Variants in MAP4K5 observed in about 807,000 individuals in gnomAD.
MAP4K5 encodes mitogen-activated protein kinase kinase kinase kinase 5, also known as MAPK/ERK kinase kinase kinase 5.
A neutral mutation model predicts 135.6 loss-of-function variants in MAP4K5; 82 were observed. The ratio of observed to expected loss-of-function variants is 0.60; its 90% CI spans 0.51 to 0.73. MAP4K5 has a LOEUF of 0.73. MAP4K5 is among the 30% of genes least tolerant of loss of function. MAP4K5 has a pLI of 0.00. For missense variants in MAP4K5, 907 were observed against 1,010.9 expected (o/e 0.90, Z 1.39); for synonymous variants, 347 against 335.0 (o/e 1.04, Z -0.39).
chr14:50,501,479 A>G (rs1595519381), intron 3 of MAP4K5, among the ~76,000 whole-genome samples: 1 of 152,112 alleles, frequency 6.6e-6, no homozygotes, highest in African/African-American at 2.4e-5. Context: ...AAAATTAAAC[A>G]TCTCTCCAAA....
intron 2 of MAP4K5, among the ~76,000 whole-genome samples, chr14:50,511,984 A>G (rs2037939294): frequency 6.6e-6 from 1 of 152,188 alleles, no homozygotes; most frequent in African/African-American, 2.4e-5. Context: ...ATCTCATTAC[A>G]TATTTGTCAA....
At chr14:50,481,307 A>AAT (rs930546251) in intron 6 of MAP4K5, among the ~76,000 whole-genome samples, 13 of 149,736 alleles carry the variant, frequency 8.7e-5, no homozygotes, top group African/African-American at 3.2e-4. Context: ...TATATATATA[A>AAT]ATATATATAT....
chr14:50,421,124 G>T (rs929361087), intron 32 of MAP4K5, among the ~76,000 whole-genome samples: 1 of 151,800 alleles, frequency 6.6e-6, no homozygotes, highest in Admixed American at 6.6e-5. Context: ...AGGCATTACA[G>T]AAAAGTAGAA....
intron 5 of MAP4K5, among the ~76,000 whole-genome samples, chr14:50,483,422 C>G (rs1865233639): frequency 2.6e-5 from 4 of 152,048 alleles, no homozygotes; most frequent in Admixed American, 2.6e-4. Flanking sequence ...GTATTCTTCA[C>G]CTAGAGAAAT....
chr14:50,478,728 G>A (rs8012307), intron 6 of MAP4K5, among the ~76,000 whole-genome samples: 2,173 of 152,184 alleles, frequency 0.014, 43 homozygotes, highest in African/African-American at 0.05. Flanking sequence ...TTTCTTGTAG[G>A]ATAGGTCTGC....
At chr14:50,544,936 CAAAAAAAAAAAAA>C (rs35420627) in intron 1 of MAP4K5, among the ~76,000 whole-genome samples, 2 of 58,476 alleles carry the variant, frequency 3.4e-5, no homozygotes, top group Non-Finnish European at 6.4e-5. Flanking sequence ...GACCCACTCT[CAAAAAAAAAAAAA>C]AAAAAAAAAA....
At chr14:50,484,377 T>G (rs1055909977) in intron 5 of MAP4K5, among the ~76,000 whole-genome samples, 1 of 152,208 alleles carries the variant, frequency 6.6e-6, no homozygotes, top group Non-Finnish European at 1.5e-5. Context: ...AATTGATAAT[T>G]AAGTACTATA....
At chr14:50,451,712 G>C (rs542730031) in intron 14 of MAP4K5, among the ~76,000 whole-genome samples, 1 of 151,422 alleles carries the variant, frequency 6.6e-6, no homozygotes, top group African/African-American at 2.4e-5. Context: ...CTTTTATTTG[G>C]TAATTATAGT....
chr14:50,536,436 C>A (rs1595562152), upstream of MAP4K5, among the ~76,000 whole-genome samples: 4 of 107,224 alleles, frequency 3.7e-5, no homozygotes, highest in African/African-American at 9.9e-5. Context: ...AACTCTGTCT[C>A]AAAAAAAAAA....
intron 28 of MAP4K5, 43 bp from the exon 29 acceptor site, chr14:50,429,303 C>T: frequency 8.6e-7 from 1 of 1,159,452 alleles, no homozygotes; most frequent in Non-Finnish European, 1.2e-6. Flanking sequence ...CTTTTAAAAC[C>T]TAGAGCCTAG....
chr14:50,437,406 C>A, intron 26 of MAP4K5, 70 bp downstream of exon 26: 1 of 1,214,098 alleles, frequency 8.2e-7, no homozygotes, highest in Non-Finnish European at 1.2e-6. Context: ...TGATTCCATA[C>A]GACTCTTCAG....
intron 3 of MAP4K5, among the ~76,000 whole-genome samples, chr14:50,497,217 G>T (rs578190589): frequency 3.9e-5 from 6 of 152,194 alleles, no homozygotes; most frequent in African/African-American, 9.6e-5. Context: ...AGTAAATATG[G>T]TTTTTTTCCA....
intron 27 of MAP4K5, 69 bp from the exon 28 acceptor site, chr14:50,434,640 A>C: frequency 7.4e-7 from 1 of 1,355,004 alleles, no homozygotes; most frequent in Non-Finnish European, 1.0e-6. Flanking sequence ...CTGTTGAATA[A>C]AGTCAACAGA....
chr14:50,428,191 A>C (rs551008953), intron 30 of MAP4K5, among the ~76,000 whole-genome samples: 5 of 152,350 alleles, frequency 3.3e-5, no homozygotes, highest in African/African-American at 1.2e-4. Flanking sequence ...ATGTAGCACT[A>C]ATCATGTTTC....
At chr14:50,445,943 A>G in intron 17 of MAP4K5, 136 bp downstream of exon 17, 1 of 517,622 alleles carries the variant, frequency 1.9e-6, no homozygotes, top group Non-Finnish European at 3.3e-6. Context: ...TTACACCATC[A>G]TACACTTCTT....
rs1347853080 is a variant in MAP4K5, at chr14:50,435,043, A to C, written c.1905T>G (p.His635Gln). 2.5e-6 allele frequency: 4 copies of C among 1,609,536 alleles called. No homozygotes were observed. The highest frequency in any genetic ancestry group is 8.5e-7 in the Non-Finnish European group (1 of 1,176,832). Residue 635 changes from histidine (H) to glutamine (Q), a missense_variant, in exon 27 of 33, where the codon CAT becomes CAG. Around this residue, in one of 3 missense-constraint regions of MAP4K5, gnomAD observed 690 missense variants for 777.4 expected, o/e 0.89. Transcript: ENST00000682126. ...ACTGTAAAGCTCCACAGAGGTATTT[A>C]TGTCCCGTGTAAGGGTTTCTGACTG... is the stretch of plus-strand genomic sequence containing the variant. The part of the protein sequence containing the change: ...CCIVRNPYTG[H>Q]KYLCGALQSG...
At chr14:50,524,941 A>G (rs1009145181) in intron 2 of MAP4K5, among the ~76,000 whole-genome samples, 8 of 152,208 alleles carry the variant, frequency 5.3e-5, no homozygotes, top group Non-Finnish European at 1.0e-4. Context: ...GATAGAGATC[A>G]TCTCTTGAAA....
chr14:50,512,205 C>A (rs2037944775), intron 2 of MAP4K5, among the ~76,000 whole-genome samples: 1 of 151,974 alleles, frequency 6.6e-6, no homozygotes, highest in Non-Finnish European at 1.5e-5. Flanking sequence ...TCTAAAACTG[C>A]ACTAAAAAAT....
At chr14:50,448,352 T>C (rs1468419924) in intron 15 of MAP4K5, among the ~76,000 whole-genome samples, 55 of 152,054 alleles carry the variant, frequency 3.6e-4, no homozygotes, top group Non-Finnish European at 5.9e-5. Flanking sequence ...GGTAACTAGA[T>C]AGTAAATTCA....
Sources: allele counts gnomAD v4.1 joint callset (sites outside exome capture counted in the v4.1 genomes callset), GRCh38; gene constraint gnomAD v4.1.1; regional missense constraint gnomAD v4.1.1; transcripts MANE v1.5; gene names NCBI Gene and HGNC (gene_info 2026-07-23, HGNC 2026-07-21).